TNRC6C: variants seen among roughly 807,000 people sequenced by gnomAD.
The protein encoded by TNRC6C is trinucleotide repeat-containing gene 6C protein.
In TNRC6C, 20 loss-of-function variants were observed where a neutral mutation model predicts 153.7. The observed-to-expected ratio is 0.13, with a 90% CI of 0.09 to 0.19. The LOEUF is 0.19. Ranked by LOEUF, TNRC6C falls within the 10% of genes least tolerant of loss-of-function variation. The pLI is 1.00. For synonymous variants in TNRC6C, 811 were observed against 841.4 expected (o/e 0.96, Z 0.63); for missense variants, 1,987 against 2,172.0 (o/e 0.91, Z 1.69).
At chr17:78,070,147 A>G (rs572788874) in intron 5 of TNRC6C, among the ~76,000 whole-genome samples, 2 of 152,368 alleles carry the variant, frequency 1.3e-5, no homozygotes, top group African/African-American at 4.8e-5. Context: ...GATTACAGAC[A>G]TCAAAAAGAA....
exon 3 of TNRC6C, chr17:78,048,902 C>T: frequency 7.9e-7 from 1 of 1,262,416 alleles, no homozygotes; most frequent in Non-Finnish European, 9.9e-7. Flanking sequence ...GGACAGCAGC[C>T]TACTTACAGA....
At chr17:78,080,650 G>T (rs1195626563) in intron 10 of TNRC6C, among the ~76,000 whole-genome samples, 1 of 152,070 alleles carries the variant, frequency 6.6e-6, no homozygotes, top group Non-Finnish European at 1.5e-5. Flanking sequence ...ATAATCAATG[G>T]TATTGATAAC....
intron 1 of TNRC6C, among the ~76,000 whole-genome samples, chr17:78,007,254 A>C (rs2071537086): frequency 6.6e-6 from 1 of 152,214 alleles, no homozygotes; most frequent in African/African-American, 2.4e-5. Flanking sequence ...GTAACTACTA[A>C]CTAGCCTTAG....
At chr17:78,006,535 T>G (rs997239963) in intron 1 of TNRC6C, among the ~76,000 whole-genome samples, 1 of 142,728 alleles carries the variant, frequency 7.0e-6, no homozygotes, top group Non-Finnish European at 1.5e-5. Context: ...CTTCTTCTTC[T>G]TCTTCTTCTT....
chr17:78,091,545 C>G, exon 14 of TNRC6C: 1 of 1,606,324 alleles, frequency 6.2e-7, no homozygotes, highest in Non-Finnish European at 8.5e-7. Flanking sequence ...TGGACGCACC[C>G]CAACTCCATG....
At chr17:78,035,105 T>C (rs1045893401) in intron 2 of TNRC6C, among the ~76,000 whole-genome samples, 19 of 152,220 alleles carry the variant, frequency 1.2e-4, no homozygotes, top group Non-Finnish European at 8.8e-5. Flanking sequence ...CCTCTCATGA[T>C]CTCTAAGGTC....
In TNRC6C at chr17:78,072,649, A is replaced by G. The variant is rs539085421; in HGVS notation, c.2860-388A>G. Among the ~76,000 whole-genome samples the G allele has an allele frequency of 6.6e-5, 10 of 152,334 alleles. 2 individuals carry two copies. The highest frequency in any genetic ancestry group is 2.4e-4 in the African/African-American group (10 of 41,572). On this transcript the variant is annotated intron_variant, in intron 6 of 19. Coordinates refer to ENST00000301624, the Ensembl canonical transcript of TNRC6C. ...TGTAATCCCAACACTTTGGGAGCCC[A>G]AGGCAGGAGAACCACTTGAGCCCAG...
At chr17:78,009,912 C>G (rs2071594782) in intron 1 of TNRC6C, among the ~76,000 whole-genome samples, 1 of 150,594 alleles carries the variant, frequency 6.6e-6, no homozygotes. Flanking sequence ...GAGAGAGGGT[C>G]TAACTCTGTT....
chr17:78,025,618 T>G (rs1264449219), intron 1 of TNRC6C, among the ~76,000 whole-genome samples: 1 of 152,134 alleles, frequency 6.6e-6, no homozygotes, highest in Non-Finnish European at 1.5e-5. Flanking sequence ...AGCTTTTCTG[T>G]TATTATAATT....
At chr17:78,050,542 G>A (rs71385927) in exon 3 of TNRC6C, 30,753 of 1,613,802 alleles carry the variant, frequency 0.019, 412 homozygotes, top group Non-Finnish European at 0.023. Flanking sequence ...GGGGAAGAAC[G>A]ATGGGTCCAT....
At chr17:78,055,513 G>A (rs922446541) in intron 3 of TNRC6C, among the ~76,000 whole-genome samples, 4 of 152,170 alleles carry the variant, frequency 2.6e-5, no homozygotes, top group Non-Finnish European at 4.4e-5. Context: ...TGGGTATGGC[G>A]TCACTAGGTG....
rs919696035 is a variant in TNRC6C at position 78,079,118 on chromosome 17, G to A, written c.3211-277G>A. 6.0e-5 allele frequency among the ~76,000 whole-genome samples: 9 copies of A among 151,164 alleles called. No homozygotes were observed. Among genetic ancestry groups the A allele is most frequent in the African/African-American group, 1.7e-4 (7 of 41,122 alleles). On this transcript the variant is annotated intron_variant, in intron 9 of 19. Transcript: ENST00000301624. The surrounding 1 kb of genome is among the most constrained non-coding windows in gnomAD (Gnocchi z 4.3). ...AAAAAAAAAAGCCAGGCATAGTGGC[G>A]GGGGTCTGTAATCCCAGCTACTCGG...
chr17:78,079,373 G>C lies in TNRC6C; in HGVS notation c.3211-22G>C, dbSNP rs1567955653. On this transcript the variant is annotated intron_variant, in intron 9 of 19. Coordinates refer to ENST00000301624, the Ensembl canonical transcript of TNRC6C. The surrounding 1 kb of genome is among the most constrained non-coding windows in gnomAD (Gnocchi z 4.3). The stretch of plus-strand genomic sequence containing the variant: ...ACTCTAATGCCTGCCTTGGTAACGT[G>C]TTTAATTCTGTCCCTGTGCAGATAC... The C allele has an allele frequency of 5.0e-6, 8 of 1,611,682 alleles. No individual in the cohort carries two copies. The East Asian group carries it at 1.8e-4, about 36-fold the overall frequency.
chr17:78,006,212 C>G (rs773961906), intron 1 of TNRC6C, among the ~76,000 whole-genome samples: 5 of 152,158 alleles, frequency 3.3e-5, no homozygotes, highest in Non-Finnish European at 7.4e-5. Flanking sequence ...TTGAGGGAGT[C>G]CAGGTCTCTG....
At chr17:78,081,858 G>C (rs2073186795) in intron 10 of TNRC6C, among the ~76,000 whole-genome samples, 1 of 152,128 alleles carries the variant, frequency 6.6e-6, no homozygotes, top group Non-Finnish European at 1.5e-5. Flanking sequence ...GTATCTCCCT[G>C]TTACCTGTGA....
intron 1 of TNRC6C, among the ~76,000 whole-genome samples, chr17:77,975,925 CTT>C (rs1363959335): frequency 6.6e-6 from 1 of 152,104 alleles, no homozygotes; most frequent in African/African-American, 2.4e-5. Context: ...TGTTATAAAA[CTT>C]TCTCAACTGA....
At chr17:78,091,713 G>A in intron 14 of TNRC6C, 106 bp downstream of exon 16, 1 of 1,221,432 alleles carries the variant, frequency 8.2e-7, no homozygotes, top group Non-Finnish European at 1.0e-6. Context: ...ATTGAGCACT[G>A]AAAGTTGGAT....
intron 1 of TNRC6C, among the ~76,000 whole-genome samples, chr17:78,017,149 AT>A (rs1166141029): frequency 6.6e-6 from 1 of 152,032 alleles, no homozygotes; most frequent in Non-Finnish European, 1.5e-5. Context: ...GGGACATTTT[AT>A]TTCTTAAGCT....
At chr17:78,095,653 G>C (rs8075795) in intron 16 of TNRC6C, among the ~76,000 whole-genome samples, 9,413 of 152,228 alleles carry the variant, frequency 0.062, 402 homozygotes, top group East Asian at 0.15. Context: ...CTCCACTCTG[G>C]TACCTCTCTT....
Sources: gnomAD v4.1 joint callset for allele counts (sites outside exome capture counted in the v4.1 genomes callset) on GRCh38, gnomAD v4.1.1 for gene constraint, Gnocchi (gnomAD v3.1) non-coding constraint, MANE v1.5 for transcripts, NCBI Gene and HGNC (gene_info 2026-07-23, HGNC 2026-07-21) for gene names.